Variants in BRIP1 observed in about 807,000 individuals in gnomAD.
The protein encoded by BRIP1 is BRCA1 interacting DNA helicase 1.
A neutral mutation model predicts 119.7 loss-of-function variants in BRIP1; 88 were observed. The observed-to-expected ratio is 0.74, with a 90% CI of 0.62 to 0.88. The LOEUF (loss-of-function observed/expected upper bound fraction) is 0.88, where lower values mean the gene tolerates loss of function less well. BRIP1 is among the 40% of genes least tolerant of loss of function. BRIP1 has a pLI of 0.00. For synonymous variants in BRIP1, 443 were observed against 496.5 expected (o/e 0.89, Z 1.43); for missense variants, 1,259 against 1,455.4 (o/e 0.87, Z 2.20).
Position 61,680,346 on chromosome 17 carries a change from T to C in BRIP1, c.*2950A>G, listed in dbSNP as rs923841091. ...CAGCCTGAGCGACAGAGCAAGACTG[T>C]CTAAAACAAACAAACAAAAACATAT... is the stretch of plus-strand genomic sequence containing the variant. On this transcript the variant is annotated 3_prime_UTR_variant, in exon 20 of 20. Transcript: ENST00000259008. 6.6e-6 allele frequency among the ~76,000 whole-genome samples: 1 copy of C among 151,752 alleles called. No individual in the cohort carries two copies. Among genetic ancestry groups the C allele is most frequent in the Non-Finnish European group, 1.5e-5 (1 of 67,946 alleles).
rs995889720 is a variant in BRIP1 at position 61,846,975 on chromosome 17, T to C, written c.627+126A>G. 1.2e-5 allele frequency: 13 copies of C among 1,084,710 alleles called. No homozygotes were observed. Among genetic ancestry groups the C allele is most frequent in the African/African-American group, 1.1e-4 (7 of 64,220 alleles). 67.2% of individuals were successfully genotyped at this position (1,084,710 alleles called of 1,614,324 possible). A position where few individuals can be genotyped will look rare whatever the true frequency, so the allele number is the denominator to read the frequency against. ...CATTAGTAACAGAGATGTGACAGCA[T>C]TGAGGACTTCTGAGTGGGTTGCTAC... On this transcript the variant is annotated intron_variant, in intron 6 of 19. Transcript: ENST00000259008. This position sits in a 1 kb window ranked among gnomAD's most constrained non-coding sequence, Gnocchi z 4.3.
At position 61,807,683 on chromosome 17, in the gene BRIP1, ATATAT is replaced by A. The variant is rs2078094319; in HGVS notation, c.918+779_918+783del. ...AGTGAAAAACAAAACAACTCTAAAA[ATATAT>A]TAAAATATCATTGGTCACTTCATAG... On this transcript the variant is annotated intron_variant, in intron 7 of 19. Transcript: ENST00000259008. The surrounding 1 kb of genome is among the most constrained non-coding windows in gnomAD (Gnocchi z 4.5). 6.6e-6 allele frequency among the ~76,000 whole-genome samples: 1 copy of A among 152,174 alleles called. No individual in the cohort carries two copies. Among genetic ancestry groups the A allele is most frequent in the South Asian group, 2.1e-4 (1 of 4,834 alleles).
chr17:61,858,576 T>C (rs1350050024), intron 3 of BRIP1, among the ~76,000 whole-genome samples: 3 of 152,146 alleles, frequency 2.0e-5, no homozygotes, highest in Admixed American at 1.3e-4. Context: ...TTTCTCCACG[T>C]TGGTCTGGCT....
intron 17 of BRIP1, among the ~76,000 whole-genome samples, chr17:61,698,753 T>C (rs538169083): frequency 5.3e-5 from 8 of 152,154 alleles, no homozygotes; most frequent in African/African-American, 1.9e-4. Flanking sequence ...TTACTCCAGT[T>C]GCCCAGGCTG....
Position 61,689,528 on chromosome 17 carries a change from A to G in BRIP1, c.2576-3363T>C, listed in dbSNP as rs892350005. Among the ~76,000 whole-genome samples the G allele has an allele frequency of 1.3e-5, 2 of 152,174 alleles. No homozygotes were observed. The highest frequency in any genetic ancestry group is 4.8e-5 in the African/African-American group (2 of 41,444). ...AGCTTATTTATAGAAATAATGACCG[A>G]AAACTTAATAAACCTGGGGGGAGGA... On this transcript the variant is annotated intron_variant, in intron 18 of 19. Coordinates refer to ENST00000259008, the MANE Select transcript of BRIP1 (RefSeq NM_032043.3). This position sits in a 1 kb window ranked among gnomAD's most constrained non-coding sequence, Gnocchi z 4.5.
At chr17:61,732,359 T>C (rs757980737) in intron 16 of BRIP1, among the ~76,000 whole-genome samples, 18 of 152,168 alleles carry the variant, frequency 1.2e-4, no homozygotes, top group Admixed American at 2.0e-4. Flanking sequence ...TATGAAATGT[T>C]TGTATATTTG....
In BRIP1 at chr17:61,715,986, A is replaced by G. The variant is rs1267906962; in HGVS notation, c.2457T>C (p.Ile819=). The change falls in exon 17 of 20, where the codon ATT becomes ATC. Residue 819 remains isoleucine, a synonymous_variant. Transcript: ENST00000259008. The part of the protein sequence containing the change: ...GLLPGRQWYE[I]QAYRALNQAL... ...CCTGGTTTAAGGCCCTGTATGCTTG[A>G]ATTTCATACCACTGACGGCCAGGTA... 11 of 1,608,592 alleles carry G rather than the reference A, an allele frequency of 6.8e-6. No homozygotes were observed. The highest frequency in any genetic ancestry group is 8.5e-7 in the Non-Finnish European group (1 of 1,176,814).
chr17:61,732,685 A>C (rs560785428), intron 16 of BRIP1, among the ~76,000 whole-genome samples: 4 of 152,134 alleles, frequency 2.6e-5, no homozygotes, highest in African/African-American at 9.6e-5. Context: ...AAAACATTCA[A>C]TATCATTAAC....
intron 6 of BRIP1, among the ~76,000 whole-genome samples, chr17:61,837,480 C>T (rs1285690786): frequency 1.3e-5 from 2 of 151,800 alleles, no homozygotes; most frequent in Admixed American, 1.3e-4. Flanking sequence ...TATGCTACTG[C>T]TACATTAAAT....
At position 61,743,986 on chromosome 17, in the gene BRIP1, C is replaced by T. The variant is rs912864310; in HGVS notation, c.2257+446G>A. On this transcript the variant is annotated intron_variant, in intron 15 of 19. Transcript: ENST00000259008. This position sits in a 1 kb window ranked among gnomAD's most constrained non-coding sequence, Gnocchi z 4.3. ...ACAGGCAAGAGCCACCACGCCCGGC[C>T]TCACATCAAACTCTTCATGGATATG... Among the ~76,000 whole-genome samples the T allele has an allele frequency of 1.3e-5, 2 of 152,194 alleles. No individual in the cohort carries two copies. The highest frequency in any genetic ancestry group is 1.5e-5 in the Non-Finnish European group (1 of 68,036).
Position 61,693,578 on chromosome 17 carries a change from A to T in BRIP1, c.2493-66T>A. On this transcript the variant is annotated intron_variant, in intron 17 of 19. Coordinates refer to ENST00000259008, the MANE Select transcript of BRIP1 (RefSeq NM_032043.3). This position sits in a 1 kb window ranked among gnomAD's most constrained non-coding sequence, Gnocchi z 4.2. ...GAAATAAATCCAGTTTTCCAGTGGG[A>T]CAGACAGAAAATTGGAAAAAAATCA... is the stretch of plus-strand genomic sequence containing the variant. The T allele has an allele frequency of 7.3e-7, 1 of 1,364,292 alleles. No homozygotes were observed. The highest frequency in any genetic ancestry group is 1.0e-6 in the Non-Finnish European group (1 of 958,400). 84.5% of individuals were successfully genotyped at this position (1,364,292 alleles called of 1,614,324 possible). A position where few individuals can be genotyped will look rare whatever the true frequency, so the allele number is the denominator to read the frequency against.
chr17:61,857,175 A>G lies in BRIP1; in HGVS notation c.262T>C (p.Cys88Arg). 1.2e-6 allele frequency: 2 copies of G among 1,613,934 alleles called. No individual in the cohort carries two copies. The highest frequency in any genetic ancestry group is 1.7e-6 in the Non-Finnish European group (2 of 1,179,778). ...EKAEVQLSCC[C>R]ACHSKDFTNN... ...GTAAAATCCTTTGAATGGCATGCAC[A>G]ACAACATGACAATTGTACTTCAGCT... Residue 88 changes from cysteine (C) to arginine (R), a missense_variant, in exon 4 of 20, where the codon TGT becomes CGT. Around this residue, in one of 3 missense-constraint regions of BRIP1, gnomAD observed 501 missense variants for 544.0 expected, o/e 0.92. Transcript: ENST00000259008. The surrounding 1 kb of genome is among the most constrained non-coding windows in gnomAD (Gnocchi z 5.1).
chr17:61,773,402 A>G (rs1439977318), intron 14 of BRIP1, among the ~76,000 whole-genome samples: 5 of 152,182 alleles, frequency 3.3e-5, no homozygotes, highest in Non-Finnish European at 7.4e-5. Context: ...CCTTATACAA[A>G]AATTAATTCA....
intron 6 of BRIP1, 90 bp downstream of exon 6, chr17:61,847,011 A>T (rs1437193736): frequency 6.6e-7 from 1 of 1,518,784 alleles, no homozygotes. Flanking sequence ...TGTCCTTTGT[A>T]TTATACTATT....
At position 61,767,892 on chromosome 17, in the gene BRIP1, T is replaced by G. The variant is rs1375351484; in HGVS notation, c.2097+8509A>C. Among the ~76,000 whole-genome samples, 2 of 152,236 alleles carry G rather than the reference T, an allele frequency of 1.3e-5. No individual in the cohort carries two copies. Among genetic ancestry groups the G allele is most frequent in the African/African-American group, 2.4e-5 (1 of 41,470 alleles). On this transcript the variant is annotated intron_variant, in intron 14 of 19. Coordinates refer to ENST00000259008, the MANE Select transcript of BRIP1 (RefSeq NM_032043.3). The surrounding 1 kb of genome is among the most constrained non-coding windows in gnomAD (Gnocchi z 5.7). ...TATTCCTCACTCCCACATCTACCAGTAGAAATCTATCCACCTTTCTTTAAT... is the reference window on the plus strand; with the variant it reads ...TATTCCTCACTCCCACATCTACCAGGAGAAATCTATCCACCTTTCTTTAAT...
chr17:61,707,237 C>T (rs1438112804), intron 17 of BRIP1, among the ~76,000 whole-genome samples: 5 of 151,874 alleles, frequency 3.3e-5, no homozygotes, highest in Non-Finnish European at 5.9e-5. Context: ...TTTTTGGTTT[C>T]AGTGTTGCTT....
rs2076752896 is a variant in BRIP1, at chr17:61,725,377, T to C, written c.2380-9314A>G. On this transcript the variant is annotated intron_variant, in intron 16 of 19. Transcript: ENST00000259008. The surrounding 1 kb of genome is among the most constrained non-coding windows in gnomAD (Gnocchi z 5.3). ...ACTGTTTTGGATAAGGTGCTTTTTT[T>C]GGTAGAGAAATCTATATTAAACTTA... 6.6e-6 allele frequency among the ~76,000 whole-genome samples: 1 copy of C among 152,172 alleles called. No homozygotes were observed. Among genetic ancestry groups the C allele is most frequent in the Non-Finnish European group, 1.5e-5 (1 of 68,028 alleles).
rs531197609 is a variant in BRIP1, at chr17:61,749,522, GAAATGC to G, written c.2098-4937_2098-4932del. On this transcript the variant is annotated intron_variant, in intron 14 of 19. Transcript: ENST00000259008. ...ATGCTCAACATCAGTAATTATCAGGGAAATGCAAATCAAAACCACGATGAGATATTG... is the reference window on the plus strand; with the variant it reads ...ATGCTCAACATCAGTAATTATCAGGGAAATCAAAACCACGATGAGATATTG... Among the ~76,000 whole-genome samples the G allele has an allele frequency of 1.1e-3, 162 of 152,220 alleles. 1 individual carries two copies. The highest frequency in any genetic ancestry group is 3.7e-3 in the African/African-American group (154 of 41,522).
Position 61,819,803 on chromosome 17 carries a change from G to C in BRIP1, c.628-11046C>G, listed in dbSNP as rs534819729. ...AAAAGTAGTTAGAAAGAATAAATAA[G>C]ACTTAGTATTTGCTAGCACAACAGG... On this transcript the variant is annotated intron_variant, in intron 6 of 19. Transcript: ENST00000259008. 7.0e-4 allele frequency among the ~76,000 whole-genome samples: 106 copies of C among 152,086 alleles called. 1 individual carries two copies. The highest frequency in any genetic ancestry group is 2.4e-3 in the African/African-American group (99 of 41,466).
Sources: allele counts gnomAD v4.1 joint callset (sites outside exome capture counted in the v4.1 genomes callset), GRCh38; gene constraint gnomAD v4.1.1; regional missense constraint gnomAD v4.1.1; non-coding constraint Gnocchi (gnomAD v3.1); transcripts MANE v1.5; gene names NCBI Gene and HGNC (gene_info 2026-07-23, HGNC 2026-07-21).